Variants in JAM2 observed in about 807,000 individuals in gnomAD.
JAM2 encodes the protein junctional adhesion molecule 2.
JAM2 carries 17 observed loss-of-function variants against 42.0 expected under a neutral mutation model. The observed-to-expected ratio is 0.40, with a 90% CI of 0.28 to 0.61. The LOEUF (loss-of-function observed/expected upper bound fraction) is 0.61, where lower values mean the gene tolerates loss of function less well. Among genes scored for constraint, JAM2 ranks in the 20% least tolerant of loss-of-function variants. The pLI is 0.37. For missense variants in JAM2, 319 were observed against 358.3 expected (o/e 0.89, Z 0.89); for synonymous variants, 118 against 128.6 (o/e 0.92, Z 0.56).
At chr21:25,660,788 T>C (rs1320623647) in intron 1 of JAM2, among the ~76,000 whole-genome samples, 1 of 61,464 alleles carries the variant, frequency 1.6e-5, no homozygotes, top group African/African-American at 1.1e-4. Context: ...ATATATTTTT[T>C]TTTTTTTTTT....
At chr21:25,678,995 G>A (rs1018345983) in intron 1 of JAM2, among the ~76,000 whole-genome samples, 1 of 152,066 alleles carries the variant, frequency 6.6e-6, no homozygotes, top group African/African-American at 2.4e-5. Context: ...AGAGATGGGG[G>A]ATGTTACTAT....
At chr21:25,678,314 G>A (rs2033547446) in intron 1 of JAM2, among the ~76,000 whole-genome samples, 1 of 152,152 alleles carries the variant, frequency 6.6e-6, no homozygotes, top group African/African-American at 2.4e-5. Context: ...GAGGATTCTG[G>A]CTTGGTCTCC....
chr21:25,668,393 A>G (rs1184030583), intron 1 of JAM2, among the ~76,000 whole-genome samples: 1 of 152,332 alleles, frequency 6.6e-6, no homozygotes, highest in East Asian at 1.9e-4. Flanking sequence ...CAATCCAAGA[A>G]AGAGATGTTA....
chr21:25,650,550 A>G (rs1477621658), intron 1 of JAM2, among the ~76,000 whole-genome samples: 1 of 152,248 alleles, frequency 6.6e-6, no homozygotes, highest in Non-Finnish European at 1.5e-5. Flanking sequence ...ACTTTTTTAT[A>G]TTACATATCC....
chr21:25,698,801 C>T lies in JAM2; in HGVS notation c.519C>T (p.Ile173=). The T allele has an allele frequency of 6.2e-7, 1 of 1,614,172 alleles. No homozygotes were observed. Among genetic ancestry groups the T allele is most frequent in the South Asian group, 1.1e-5 (1 of 91,086 alleles). Residue 173 remains isoleucine (I), a synonymous_variant, in exon 5 of 10, where the codon ATC becomes ATT. Transcript: ENST00000480456. ...AATACACATGGTTTAAGGATGGCAT[C>T]CGTTTGCTAGAAAATCCCAGACTTG... The part of the protein sequence containing the change: ...APEYTWFKDG[I]RLLENPRLGS...
chr21:25,659,407 CTG>C (rs894318689), intron 1 of JAM2, among the ~76,000 whole-genome samples: 1 of 152,126 alleles, frequency 6.6e-6, no homozygotes, highest in Admixed American at 6.6e-5. Context: ...GGACACAAGG[CTG>C]TGTTTTTCCT....
chr21:25,684,411 T>G (rs73334077), intron 2 of JAM2, among the ~76,000 whole-genome samples: 2,136 of 152,352 alleles, frequency 0.014, 61 homozygotes, highest in African/African-American at 0.049. Flanking sequence ...GTTTCTGTTT[T>G]GCAAGATAAA....
chr21:25,696,559 A>G (rs944782929), intron 4 of JAM2, among the ~76,000 whole-genome samples: 6 of 152,232 alleles, frequency 3.9e-5, no homozygotes, highest in Admixed American at 3.9e-4. Context: ...CTAGTGTTAC[A>G]TAACAACTAA....
intron 1 of JAM2, among the ~76,000 whole-genome samples, chr21:25,654,836 TG>T (rs1447306736): frequency 1.3e-5 from 2 of 152,136 alleles, no homozygotes; most frequent in East Asian, 3.9e-4. Flanking sequence ...ACTCAGAAAG[TG>T]GGTTTTTCTG....
intron 1 of JAM2, among the ~76,000 whole-genome samples, chr21:25,677,475 A>G (rs2033525174): frequency 6.6e-6 from 1 of 152,236 alleles, no homozygotes; most frequent in Admixed American, 6.5e-5. Flanking sequence ...TGTTTCTTAA[A>G]GGAAATTTTA....
Position 25,639,828 on chromosome 21 carries a change from A to G in JAM2, c.7A>G (p.Arg3Gly). Residue 3 changes from arginine to glycine, a missense_variant, in exon 1 of 10, where the codon AGG (arginine) becomes GGG (glycine). Arg to Gly is a moderately radical substitution (Grantham distance 125). Transcript: ENST00000480456. MA[R>G]RSRHRLLLLL... ...CGGCTGCCGCCCCGGGAAGATGGCG[A>G]GGAGGAGCCGCCACCGCCTCCTCCT... The G allele has an allele frequency of 6.3e-7, 1 of 1,584,462 alleles. No individual in the cohort carries two copies. Among genetic ancestry groups the G allele is most frequent in the Non-Finnish European group, 8.6e-7 (1 of 1,168,264 alleles).
In JAM2 at chr21:25,710,735, T is replaced by A. The variant is rs146612383; in HGVS notation, c.821+1286T>A. 1.2e-3 allele frequency among the ~76,000 whole-genome samples: 186 copies of A among 151,834 alleles called. 1 individual carries two copies. Among genetic ancestry groups the A allele is most frequent in the Middle Eastern group, 6.8e-3 (2 of 294 alleles). The stretch of plus-strand genomic sequence containing the variant: ...AGCGGTGGGGGCAGATTGTAAGGAG[T>A]CCCTTTTAGGCAGTCGTGAGGAGTC... On this transcript the variant is annotated intron_variant, in intron 8 of 9. Coordinates refer to ENST00000480456, the MANE Select transcript of JAM2 (RefSeq NM_021219.4).
chr21:25,664,781 T>TTA (rs571576165), intron 1 of JAM2, among the ~76,000 whole-genome samples: 32 of 152,230 alleles, frequency 2.1e-4, no homozygotes, highest in Non-Finnish European at 3.8e-4. Flanking sequence ...ACAGTGCTCC[T>TTA]TAGCATGTTA....
intron 1 of JAM2, among the ~76,000 whole-genome samples, chr21:25,643,070 T>C (rs1011159865): frequency 5.3e-5 from 8 of 152,154 alleles, no homozygotes; most frequent in African/African-American, 1.9e-4. Context: ...CAACTCCTAA[T>C]ACCATCACAT....
rs751103286 is a variant in JAM2 at position 25,698,675 on chromosome 21, A to AG, written c.395-1dup. The AG allele has an allele frequency of 9.3e-6, 15 of 1,612,518 alleles. No individual in the cohort carries two copies. Among genetic ancestry groups the AG allele is most frequent in the Non-Finnish European group, 1.2e-5 (14 of 1,178,854 alleles). On this transcript the variant is annotated splice_acceptor_variant, in intron 4 of 9. Coordinates refer to ENST00000480456, the MANE Select transcript of JAM2 (RefSeq NM_021219.4). LOFTEE classifies it high-confidence loss of function. ...CAATATCATTTGACTTCCATTGTTC[A>AG]GTGGCTCCAGCAGTTCCATCATGTG... is the stretch of plus-strand genomic sequence containing the variant.
chr21:25,670,440 C>T (rs1208512670), intron 1 of JAM2, among the ~76,000 whole-genome samples: 1 of 151,884 alleles, frequency 6.6e-6, no homozygotes, highest in Non-Finnish European at 1.5e-5. Context: ...GAACTATGAT[C>T]ACGCCACTGC....
intron 2 of JAM2, among the ~76,000 whole-genome samples, 168 bp downstream of exon 2, chr21:25,684,116 C>A (rs1035777782): frequency 2.0e-4 from 30 of 152,198 alleles, no homozygotes; most frequent in African/African-American, 7.0e-4. Context: ...ATTTACTCCA[C>A]CTCCTCAGTG....
intron 6 of JAM2, among the ~76,000 whole-genome samples, chr21:25,704,457 G>A (rs1015576259): frequency 6.6e-6 from 1 of 152,144 alleles, no homozygotes; most frequent in Non-Finnish European, 1.5e-5. Flanking sequence ...GAGACCAGAA[G>A]TTTTTATGAT....
intron 1 of JAM2, among the ~76,000 whole-genome samples, chr21:25,663,255 C>T (rs375286770): frequency 6.6e-6 from 1 of 152,056 alleles, no homozygotes; most frequent in African/African-American, 2.4e-5. Flanking sequence ...TTTGAAGGAA[C>T]CTGGAATTCA....
Sources: allele counts gnomAD v4.1 joint callset (sites outside exome capture counted in the v4.1 genomes callset), GRCh38; gene constraint gnomAD v4.1.1; transcripts MANE v1.5; gene names NCBI Gene and HGNC (gene_info 2026-07-23, HGNC 2026-07-21).